SMC5: variants seen among roughly 807,000 people sequenced by gnomAD.
SMC5 encodes the protein structural maintenance of chromosomes protein 5.
SMC5 carries 88 observed loss-of-function variants against 148.3 expected under a neutral mutation model. That is an observed-to-expected ratio of 0.59 (90% CI 0.50 to 0.71). The LOEUF (loss-of-function observed/expected upper bound fraction) is 0.71, where lower values mean the gene tolerates loss of function less well. Ranked by LOEUF, SMC5 falls within the 30% of genes least tolerant of loss-of-function variation. The probability of loss-of-function intolerance (pLI) is 0.00; values close to 1 mark genes in which losing one functional copy is unlikely to be tolerated. For missense variants in SMC5, 1,142 were observed against 1,298.9 expected (o/e 0.88, Z 1.86); for synonymous variants, 421 against 432.8 (o/e 0.97, Z 0.34).
At chr9:70,340,985 TAAAC>T (rs1041692746) in intron 17 of SMC5, among the ~76,000 whole-genome samples, 11 of 152,164 alleles carry the variant, frequency 7.2e-5, no homozygotes, top group Admixed American at 7.2e-4. Context: ...TCTTACATCT[TAAAC>T]AGATGGAGTA....
At chr9:70,334,393 G>A (rs1295241138) in intron 17 of SMC5, among the ~76,000 whole-genome samples, 1 of 152,084 alleles carries the variant, frequency 6.6e-6, no homozygotes, top group Admixed American at 6.6e-5. Context: ...CAAATTATAA[G>A]AGAAAAAGAA....
Position 70,262,529 on chromosome 9 carries a change from G to A in SMC5, c.186-1775G>A, listed in dbSNP as rs2034167021. ...GCCTAGGTTTCTGATTTGGTCAATGGCATGAATGATAATACCATTCACTAA... is the reference window on the plus strand; with the variant it reads ...GCCTAGGTTTCTGATTTGGTCAATGACATGAATGATAATACCATTCACTAA... On this transcript the variant is annotated intron_variant, in intron 1 of 24. Coordinates refer to ENST00000361138, the MANE Select transcript of SMC5 (RefSeq NM_015110.4). 2.0e-5 allele frequency among the ~76,000 whole-genome samples: 3 copies of A among 152,260 alleles called. No homozygotes were observed. In the South Asian group the frequency reaches 6.2e-4, roughly 32 times the overall value.
intron 17 of SMC5, among the ~76,000 whole-genome samples, chr9:70,325,612 A>G (rs2036057767): frequency 6.6e-6 from 1 of 152,234 alleles, no homozygotes; most frequent in Non-Finnish European, 1.5e-5. Context: ...CTTACTGAAG[A>G]GAACTAGAGC....
chr9:70,341,087 T>C (rs1469284422), intron 17 of SMC5, among the ~76,000 whole-genome samples: 2 of 152,154 alleles, frequency 1.3e-5, no homozygotes, highest in Admixed American at 6.5e-5. Flanking sequence ...TACAGCATTA[T>C]CTGATATAAT....
chr9:70,328,701 C>G (rs536677247), intron 17 of SMC5, among the ~76,000 whole-genome samples: 98 of 152,324 alleles, frequency 6.4e-4, no homozygotes, highest in African/African-American at 2.3e-3. Context: ...AGGACGGTGG[C>G]CCTCTTCTCA....
chr9:70,331,136 C>G lies in SMC5; in HGVS notation c.2397+6993C>G, dbSNP rs111968061. ...TCACATACCCAAGCTGTTCCATTTT[C>G]CAGTAGCTAGGAACAAGTATCAGTT... On this transcript the variant is annotated intron_variant, in intron 17 of 24. Coordinates refer to ENST00000361138, the MANE Select transcript of SMC5 (RefSeq NM_015110.4). Among the ~76,000 whole-genome samples the G allele has an allele frequency of 3.2e-3, 494 of 152,244 alleles. 7 individuals are homozygous for G. In the Middle Eastern group the frequency reaches 0.034, roughly 10 times the overall value.
At chr9:70,306,019 A>G (rs1375247679) in intron 11 of SMC5, among the ~76,000 whole-genome samples, 1 of 152,220 alleles carries the variant, frequency 6.6e-6, no homozygotes, top group Non-Finnish European at 1.5e-5. Context: ...CAGTTAATAA[A>G]TGTGAAGGTA....
At position 70,352,358 on chromosome 9, in the gene SMC5, A is replaced by T. The variant is rs145145028; in HGVS notation, c.*27A>T. The T allele has an allele frequency of 7.7e-4, 1,211 of 1,565,160 alleles. 10 individuals are homozygous for T. The African/African-American group carries it at 0.014, about 18-fold the overall frequency. On this transcript the variant is annotated 3_prime_UTR_variant, in exon 25 of 25. Transcript: ENST00000361138. ...AAAAGTAAAGAGAGGGAACTTGGGA[A>T]TTTTTTTTGTTAAATTCTGTTTATA...
intron 18 of SMC5, among the ~76,000 whole-genome samples, chr9:70,346,029 C>G (rs2118828038): frequency 6.6e-6 from 1 of 152,178 alleles, no homozygotes; most frequent in South Asian, 2.1e-4. Flanking sequence ...AATTTTTCAC[C>G]TGAACAAATT....
intron 17 of SMC5, among the ~76,000 whole-genome samples, chr9:70,330,660 A>C (rs760004158): frequency 6.0e-5 from 9 of 150,088 alleles, no homozygotes; most frequent in Non-Finnish European, 1.3e-4. Flanking sequence ...TTCCTGCCTC[A>C]GCCTCCCAAG....
chr9:70,295,571 T>C (rs1467178412), intron 8 of SMC5, among the ~76,000 whole-genome samples: 2 of 151,676 alleles, frequency 1.3e-5, no homozygotes, highest in Non-Finnish European at 2.9e-5. Context: ...ATTTAAGAGG[T>C]TTAGACTTAC....
Position 70,323,538 on chromosome 9 carries a change from A to G in SMC5, c.2206A>G (p.Ser736Gly), listed in dbSNP as rs766844934. 5.6e-6 allele frequency: 9 copies of G among 1,612,624 alleles called. No individual in the cohort carries two copies. The highest frequency in any genetic ancestry group is 2.2e-5 in the South Asian group (2 of 90,912). The stretch of plus-strand genomic sequence containing the variant: ...TCTTGAAGAGGAAGAGCGAAAAGCA[A>G]GTACCAAAATCAAAGAAATAAATGT... ...CNLEEEERKA[S>G]TKIKEINVQK... The change falls in exon 16 of 25, where the codon AGT (serine) becomes GGT (glycine). Residue 736 changes from serine to glycine, a missense_variant. Ser to Gly is a moderately conservative substitution (Grantham distance 56). Around this residue, in one of 5 missense-constraint regions of SMC5, gnomAD observed 743 missense variants for 835.7 expected, o/e 0.89. Transcript: ENST00000361138.
rs55977034 is a variant in SMC5 at position 70,321,252 on chromosome 9, A to G, written c.2151-2231A>G. On this transcript the variant is annotated intron_variant, in intron 15 of 24. Coordinates refer to ENST00000361138, the MANE Select transcript of SMC5 (RefSeq NM_015110.4). Reference sequence around the variant, plus strand: ...AGGAGGTTATATTGAGTTTCACAGAATAGATTGGGCACCTGAGGGTTTATC... The same window carrying G: ...AGGAGGTTATATTGAGTTTCACAGAGTAGATTGGGCACCTGAGGGTTTATC... 8.2e-3 allele frequency among the ~76,000 whole-genome samples: 1,250 copies of G among 152,266 alleles called. 17 individuals carry two copies. The highest frequency in any genetic ancestry group is 0.029 in the African/African-American group (1,206 of 41,534).
chr9:70,332,638 A>G (rs1231630540), intron 17 of SMC5, among the ~76,000 whole-genome samples: 8 of 152,188 alleles, frequency 5.3e-5, no homozygotes, highest in African/African-American at 1.9e-4. Context: ...ACCTGATACT[A>G]AAAAGAACTA....
chr9:70,324,363 G>A (rs2036023856), intron 17 of SMC5, among the ~76,000 whole-genome samples: 1 of 152,128 alleles, frequency 6.6e-6, no homozygotes, highest in Admixed American at 6.6e-5. Flanking sequence ...ACTGTGAAAT[G>A]ATAAACACAG....
intron 17 of SMC5, among the ~76,000 whole-genome samples, chr9:70,338,386 G>T (rs1302894239): frequency 2.0e-5 from 3 of 151,908 alleles, no homozygotes; most frequent in Non-Finnish European, 4.4e-5. Flanking sequence ...CCTTTTCCTT[G>T]CCCTTTGCCC....
In SMC5 at chr9:70,259,413, T is replaced by C. The variant is rs1051204741; in HGVS notation, c.185+150T>C. On this transcript the variant is annotated intron_variant, in intron 1 of 24. Transcript: ENST00000361138. The stretch of plus-strand genomic sequence containing the variant: ...CGTGCCGGGGTTCCCTTGAGGATTT[T>C]CCTACGTAGGCTGTGGAGATTGACG... 6 of 789,116 alleles carry C rather than the reference T, an allele frequency of 7.6e-6. No homozygotes were observed. The Admixed American group carries it at 1.8e-4, about 24-fold the overall frequency. The allele number at this position is 789,116 out of a possible 1,614,324, so 48.9% of individuals were successfully genotyped here.
intron 2 of SMC5, among the ~76,000 whole-genome samples, chr9:70,267,116 G>A (rs1299940880): frequency 6.6e-6 from 1 of 150,574 alleles, no homozygotes; most frequent in Non-Finnish European, 1.5e-5. Context: ...TTGCTTATGA[G>A]TATTAAATGA....
intron 17 of SMC5, among the ~76,000 whole-genome samples, chr9:70,333,883 C>T (rs1315076567): frequency 1.3e-4 from 5 of 37,266 alleles, no homozygotes; most frequent in Non-Finnish European, 3.3e-4. Context: ...TGTCATTTCT[C>T]TTCCAAATCT....
Sources: allele counts gnomAD v4.1 joint callset (sites outside exome capture counted in the v4.1 genomes callset), GRCh38; gene constraint gnomAD v4.1.1; regional missense constraint gnomAD v4.1.1; transcripts MANE v1.5; gene names NCBI Gene and HGNC (gene_info 2026-07-23, HGNC 2026-07-21).